The following SAFB variants were observed in gnomAD, a reference collection of about 807,000 sequenced individuals.
The protein encoded by SAFB is scaffold attachment factor B1.
In SAFB, 15 loss-of-function variants were observed where a neutral mutation model predicts 101.6. The ratio of observed to expected loss-of-function variants is 0.15; its 90% confidence interval spans 0.10 to 0.23. The LOEUF is 0.23. SAFB is among the 10% of genes least tolerant of loss of function. SAFB has a pLI of 1.00. For missense variants in SAFB, 930 were observed against 1,104.1 expected, an observed-to-expected ratio of 0.84 and a Z score of 2.23; for synonymous variants, 449 against 407.5, an observed-to-expected ratio of 1.10 and a Z score of -1.23.
At chr19:5,641,685 C>T (rs770862829) in intron 3 of SAFB, 27 bp downstream of exon 3, 13 of 1,612,908 alleles carry the variant, frequency 8.1e-6, no homozygotes, top group South Asian at 1.1e-5. Context: ...GAGTGAGTAG[C>T]GTGGTGGATG....
intron 1 of SAFB, 112 bp downstream of exon 1, chr19:5,623,506 G>A (rs2053243689): frequency 2.3e-6 from 2 of 859,004 alleles, no homozygotes; most frequent in Non-Finnish European, 3.4e-6. Flanking sequence ...GGCCTCGCCG[G>A]ACCTGGCGCT....
intron 2 of SAFB, 72 bp downstream of exon 2, chr19:5,626,561 C>T (rs1231163276): frequency 3.4e-6 from 3 of 886,670 alleles, no homozygotes; most frequent in South Asian, 2.8e-5. Context: ...TAATGTGCCT[C>T]GTTTACTTGT....
At chr19:5,635,640 C>T (rs2053580289) in intron 2 of SAFB, among the ~76,000 whole-genome samples, 1 of 152,104 alleles carries the variant, frequency 6.6e-6, no homozygotes, top group African/African-American at 2.4e-5. Context: ...ACATGCAGCC[C>T]TGGGTACTAT....
rs953086189 is a variant in SAFB at position 5,653,525 on chromosome 19, G to C, written c.1526+105G>C. Reference sequence around the variant, plus strand: ...TCTGTCGCCCAGACTGGAGTGCAGTGGTGTGATCTCGGCTCACCTCAACTC... The same window carrying C: ...TCTGTCGCCCAGACTGGAGTGCAGTCGTGTGATCTCGGCTCACCTCAACTC... On this transcript the variant is annotated intron_variant, in intron 11 of 20. Coordinates refer to ENST00000588852, the MANE Select transcript of SAFB (RefSeq NM_001201338.2). 66 of 972,990 alleles carry C rather than the reference G, an allele frequency of 6.8e-5. 1 individual carries two copies. The highest frequency in any genetic ancestry group is 6.7e-4 in the South Asian group (44 of 65,888). 60.3% of individuals were successfully genotyped at this position (972,990 alleles called of 1,614,324 possible).
At chr19:5,634,390 A>G (rs2053553027) in intron 2 of SAFB, among the ~76,000 whole-genome samples, 1 of 152,082 alleles carries the variant, frequency 6.6e-6, no homozygotes, top group Non-Finnish European at 1.5e-5. Context: ...CAAACAACAG[A>G]AAGTTTGAGG....
chr19:5,623,769 C>A (rs766024338), intron 1 of SAFB, among the ~76,000 whole-genome samples: 3 of 151,788 alleles, frequency 2.0e-5, no homozygotes, highest in Admixed American at 6.6e-5. Flanking sequence ...CAAGGTCACA[C>A]GGCCGAGGAC....
chr19:5,651,050 A>C lies in SAFB; in HGVS notation c.1271A>C (p.Asn424Thr), dbSNP rs2053927566. ...SSTTRATDLK[N>T]LFSKYGKVVG... ...ACAACCAGAGCTACAGATTTGAAGA[A>C]TCTTTTCAGCAAATATGGGAAGGTA... The change falls in exon 9 of 21, where the codon AAT (asparagine) becomes ACT (threonine). Residue 424 changes from asparagine to threonine, a missense_variant. Asn to Thr is a moderately conservative substitution (Grantham distance 65). This residue lies in a region of SAFB where 68 missense variants were observed against 122.1 expected (regional missense o/e 0.56). Coordinates refer to ENST00000588852, the MANE Select transcript of SAFB (RefSeq NM_001201338.2). The C allele has an allele frequency of 1.2e-6, 2 of 1,607,870 alleles. No homozygotes were observed.
intron 2 of SAFB, 41 bp from the exon 3 acceptor site, chr19:5,641,553 C>G: frequency 6.5e-7 from 1 of 1,540,758 alleles, no homozygotes. Flanking sequence ...CTGTAAAGTG[C>G]GTATCATTTG....
intron 2 of SAFB, among the ~76,000 whole-genome samples, chr19:5,629,611 A>G (rs978591793): frequency 1.3e-5 from 2 of 152,212 alleles, no homozygotes; most frequent in African/African-American, 4.8e-5. Flanking sequence ...TTTATTTCCA[A>G]TTATCACTCG....
In SAFB at chr19:5,644,839, C is replaced by T. The variant is rs16993075; in HGVS notation, c.547-498C>T. ...GTAGGGCATAGGATATTGCCAGTCT[C>T]GAGCTCCTGTCCTCACCCTCATGCT... On this transcript the variant is annotated intron_variant, in intron 4 of 20. Transcript: ENST00000588852. Among the ~76,000 whole-genome samples, 1,155 of 152,338 alleles carry T rather than the reference C, an allele frequency of 7.6e-3. 24 individuals carry two copies. The highest frequency in any genetic ancestry group is 0.026 in the African/African-American group (1,097 of 41,564).
intron 1 of SAFB, among the ~76,000 whole-genome samples, chr19:5,625,100 T>G (rs2053328208): frequency 1.3e-5 from 2 of 152,190 alleles, no homozygotes. Flanking sequence ...CTTCAAGATG[T>G]GGTCCCAAAA....
At chr19:5,647,730 G>A (rs896328705) in intron 5 of SAFB, among the ~76,000 whole-genome samples, 3 of 152,158 alleles carry the variant, frequency 2.0e-5, no homozygotes, top group African/African-American at 7.2e-5. Flanking sequence ...CCTTGAATTT[G>A]AGAGTTCAAT....
At chr19:5,640,765 A>AT (rs1248606969) in intron 2 of SAFB, among the ~76,000 whole-genome samples, 20 of 151,404 alleles carry the variant, frequency 1.3e-4, no homozygotes, top group Non-Finnish European at 2.9e-5. Flanking sequence ...AGTTTTTTGT[A>AT]TTTTTAGTTG....
At chr19:5,636,345 T>C (rs1364257067) in intron 2 of SAFB, among the ~76,000 whole-genome samples, 1 of 152,116 alleles carries the variant, frequency 6.6e-6, no homozygotes, top group Non-Finnish European at 1.5e-5. Flanking sequence ...AATGTAATCA[T>C]TCTGTGGCAA....
Position 5,657,321 on chromosome 19 carries a change from G to A in SAFB, c.1836G>A (p.Arg612=). 1.2e-6 allele frequency: 2 copies of A among 1,613,092 alleles called. No individual in the cohort carries two copies. The highest frequency in any genetic ancestry group is 8.5e-7 in the Non-Finnish European group (1 of 1,179,098). ...VVSFDKVKEP[R]KSRDSESHSR... is the part of the protein sequence containing the mutation. Reference sequence around the variant, plus strand: ...CCTTTGATAAGGTCAAGGAGCCTCGGAAGTCAAGAGACTCAGAGTCCCATA... The same window carrying A: ...CCTTTGATAAGGTCAAGGAGCCTCGAAAGTCAAGAGACTCAGAGTCCCATA... The change falls in exon 14 of 21, where the codon CGG becomes CGA. Residue 612 remains arginine (R), a synonymous_variant. Transcript: ENST00000588852.
intron 17 of SAFB, chr19:5,664,902 G>T: frequency 5.5e-6 from 1 of 183,126 alleles, no homozygotes; most frequent in Non-Finnish European, 1.2e-5. Flanking sequence ...CTAGATCTGT[G>T]GTCTGTGCTC....
At chr19:5,631,534 T>G (rs150948734) in intron 2 of SAFB, among the ~76,000 whole-genome samples, 5 of 152,340 alleles carry the variant, frequency 3.3e-5, no homozygotes, top group Non-Finnish European at 5.9e-5. Context: ...GGGACTGCTG[T>G]AATGTGTGAA....
intron 2 of SAFB, among the ~76,000 whole-genome samples, chr19:5,629,337 A>G (rs1351970771): frequency 6.6e-6 from 1 of 152,156 alleles, no homozygotes; most frequent in Non-Finnish European, 1.5e-5. Flanking sequence ...AGGCCAAGGT[A>G]GGAGGATTGC....
chr19:5,667,716 G>A lies in SAFB; in HGVS notation c.2558-104G>A. The stretch of plus-strand genomic sequence containing the variant: ...TGTCTTCCTGGGACCCGCTAGTTGT[G>A]GGTACCTGGGGGCCTCACCAAAGGG... On this transcript the variant is annotated intron_variant, in intron 19 of 20. Transcript: ENST00000588852. The surrounding 1 kb of genome is among the most constrained non-coding windows in gnomAD (Gnocchi z 4.0). 1 of 1,100,536 alleles carries A rather than the reference G, an allele frequency of 9.1e-7. No individual in the cohort carries two copies. The highest frequency in any genetic ancestry group is 1.4e-6 in the Non-Finnish European group (1 of 733,100). The allele number at this position is 1,100,536 out of a possible 1,614,324, so 68.2% of individuals were successfully genotyped here.
Sources: gnomAD v4.1 joint callset for allele counts (sites outside exome capture counted in the v4.1 genomes callset) on GRCh38, gnomAD v4.1.1 for gene constraint, gnomAD v4.1.1 regional missense constraint, Gnocchi (gnomAD v3.1) non-coding constraint, MANE v1.5 for transcripts, NCBI Gene and HGNC (gene_info 2026-07-23, HGNC 2026-07-21) for gene names.